RAD51B: variants seen among roughly 807,000 people sequenced by gnomAD.
The protein encoded by RAD51B is RAD51 paralog B.
In RAD51B, 38 loss-of-function variants were observed where a neutral mutation model predicts 42.2. The observed-to-expected ratio is 0.90, with a 90% CI of 0.70 to 1.18. The LOEUF (loss-of-function observed/expected upper bound fraction) is 1.18. RAD51B is among the 50% of genes most tolerant of loss of function. The pLI, the probability that RAD51B is intolerant of heterozygous loss-of-function variation, is 0.00. For synonymous variants in RAD51B, 154 were observed against 145.2 expected, an observed-to-expected ratio of 1.06 and a Z score of -0.43; for missense variants, 373 against 400.7, an observed-to-expected ratio of 0.93 and a Z score of 0.59.
chr14:68,034,539 T>C (rs2076092745), intron 7 of RAD51B, among the ~76,000 whole-genome samples: 1 of 152,150 alleles, frequency 6.6e-6, no homozygotes, highest in Non-Finnish European at 1.5e-5. Context: ...AAAGTACAAG[T>C]ATTGCAAATG....
intron 7 of RAD51B, among the ~76,000 whole-genome samples, chr14:67,958,702 A>C (rs530298830): frequency 6.6e-6 from 1 of 152,234 alleles, no homozygotes; most frequent in Non-Finnish European, 1.5e-5. Flanking sequence ...CCAAGTGAAT[A>C]AGGTCTCAGT....
chr14:68,001,797 G>A (rs1401568227), intron 7 of RAD51B, among the ~76,000 whole-genome samples: 5 of 152,128 alleles, frequency 3.3e-5, no homozygotes, highest in East Asian at 1.9e-4. Context: ...AACATGTGGC[G>A]TTTGGTTTTC....
chr14:67,978,945 A>G (rs1192485290), intron 7 of RAD51B, among the ~76,000 whole-genome samples: 1 of 152,244 alleles, frequency 6.6e-6, no homozygotes, highest in African/African-American at 2.4e-5. Context: ...GAAAGTGCAC[A>G]TTTCATTTGA....
chr14:68,362,451 A>C (rs2083044947), intron 8 of RAD51B, among the ~76,000 whole-genome samples: 1 of 152,222 alleles, frequency 6.6e-6, no homozygotes, highest in African/African-American at 2.4e-5. Context: ...AGGTGAGGAC[A>C]GAGAGGCGAA....
intron 9 of RAD51B, among the ~76,000 whole-genome samples, chr14:68,452,026 A>G (rs1323266962): frequency 6.6e-6 from 1 of 152,196 alleles, no homozygotes; most frequent in Non-Finnish European, 1.5e-5. Context: ...TGAAGGCCAG[A>G]GCTGCCTTGC....
intron 7 of RAD51B, among the ~76,000 whole-genome samples, chr14:68,052,872 A>G (rs868240403): frequency 5.9e-5 from 9 of 151,970 alleles, no homozygotes; most frequent in South Asian, 2.1e-4. Flanking sequence ...AGCTCAAGCA[A>G]TCTGCCTGCC....
chr14:68,527,747 T>C (rs138644760), intron 10 of RAD51B, among the ~76,000 whole-genome samples: 303 of 152,372 alleles, frequency 2.0e-3, no homozygotes, highest in African/African-American at 6.6e-3. Context: ...ATTTTTATTA[T>C]TAAACACAAC....
chr14:68,479,568 TC>T (rs780692570), downstream of RAD51B, among the ~76,000 whole-genome samples: 26 of 152,046 alleles, frequency 1.7e-4, no homozygotes, highest in Non-Finnish European at 2.5e-4. Context: ...TCTTTAGTCC[TC>T]CAATCATACT....
chr14:68,388,981 G>T (rs1017107336), intron 8 of RAD51B, among the ~76,000 whole-genome samples: 3 of 152,068 alleles, frequency 2.0e-5, no homozygotes, highest in Non-Finnish European at 4.4e-5. Context: ...CATTTTTATG[G>T]AGCCATATTT....
chr14:68,610,873 G>GTT (rs2140107264), intron 10 of RAD51B: 1 of 613,764 alleles, frequency 1.6e-6, no homozygotes, highest in African/African-American at 1.8e-5. Context: ...GTGTGTGTGT[G>GTT]TGTGTGTGTG....
chr14:68,531,300 ATG>A (rs1307354650), intron 10 of RAD51B, among the ~76,000 whole-genome samples: 1 of 152,204 alleles, frequency 6.6e-6, no homozygotes, highest in Non-Finnish European at 1.5e-5. Flanking sequence ...AGCTGATTAA[ATG>A]TGTCTATTAA....
intron 7 of RAD51B, among the ~76,000 whole-genome samples, chr14:67,923,139 A>C (rs2044382721): frequency 6.6e-6 from 1 of 151,854 alleles, no homozygotes; most frequent in African/African-American, 2.4e-5. Context: ...TCCATTCCTG[A>C]GTTACTTTGC....
At chr14:68,161,336 T>A (rs1595491641) in intron 7 of RAD51B, among the ~76,000 whole-genome samples, 1 of 152,352 alleles carries the variant, frequency 6.6e-6, no homozygotes, top group Middle Eastern at 3.4e-3. Context: ...ACCAGGTGTA[T>A]ACTCTACTAG....
At chr14:67,992,370 T>C (rs2075309764) in intron 7 of RAD51B, among the ~76,000 whole-genome samples, 1 of 152,174 alleles carries the variant, frequency 6.6e-6, no homozygotes, top group Non-Finnish European at 1.5e-5. Context: ...AGAATATTTG[T>C]CTGGTCCTTA....
intron 4 of RAD51B, among the ~76,000 whole-genome samples, chr14:67,836,681 T>A (rs2041253341): frequency 6.6e-6 from 1 of 152,110 alleles, no homozygotes; most frequent in African/African-American, 2.4e-5. Flanking sequence ...TCCAGGCTGG[T>A]CTCAAACTCC....
At chr14:68,082,702 A>G (rs1337143714) in intron 7 of RAD51B, among the ~76,000 whole-genome samples, 3 of 151,946 alleles carry the variant, frequency 2.0e-5, no homozygotes, top group African/African-American at 7.3e-5. Flanking sequence ...GTATAGCTGT[A>G]TTATAATTTT....
chr14:68,073,403 C>G (rs536708829), intron 7 of RAD51B, among the ~76,000 whole-genome samples: 1 of 152,124 alleles, frequency 6.6e-6, no homozygotes, highest in Admixed American at 6.5e-5. Flanking sequence ...TTACTCTGAG[C>G]CTTTACTTTC....
At chr14:67,837,042 C>G (rs1041507737) in intron 4 of RAD51B, among the ~76,000 whole-genome samples, 3 of 151,754 alleles carry the variant, frequency 2.0e-5, no homozygotes, top group Admixed American at 2.0e-4. Context: ...ATTTTATTTC[C>G]TGTCTTCCAA....
chr14:68,385,512 G>A (rs1423757942), intron 8 of RAD51B, among the ~76,000 whole-genome samples: 2 of 152,108 alleles, frequency 1.3e-5, no homozygotes, highest in African/African-American at 2.4e-5. Flanking sequence ...TGGCAGCTAA[G>A]AACCAATGAG....
Sources: allele counts gnomAD v4.1 joint callset (sites outside exome capture counted in the v4.1 genomes callset), GRCh38; gene constraint gnomAD v4.1.1; transcripts MANE v1.5; gene names NCBI Gene and HGNC (gene_info 2026-07-23, HGNC 2026-07-21).